ATP8A2: variants seen among roughly 807,000 people sequenced by gnomAD.
The protein encoded by ATP8A2 is phospholipid-transporting ATPase IB.
In ATP8A2, 100 loss-of-function variants were observed where a neutral mutation model predicts 165.6. That is an observed-to-expected ratio of 0.60 (90% confidence interval 0.51 to 0.71). ATP8A2 has a LOEUF of 0.71. ATP8A2 is among the 30% of genes least tolerant of loss of function. ATP8A2 has a pLI of 0.00. For missense variants in ATP8A2, 1,227 were observed against 1,479.5 expected (o/e 0.83, Z 2.80); for synonymous variants, 543 against 548.8 (o/e 0.99, Z 0.15).
intron 33 of ATP8A2, chr13:25,867,832 A>T (rs1952556044): frequency 5.5e-6 from 1 of 182,696 alleles, no homozygotes; most frequent in African/African-American, 2.4e-5. Flanking sequence ...GGTCAGCCAC[A>T]GGAGGAAAAC....
chr13:26,019,946 T>C lies in ATP8A2; in HGVS notation c.3528T>C (p.Arg1176=). 6.2e-7 allele frequency: 1 copy of C among 1,614,086 alleles called. No individual in the cohort carries two copies. Among genetic ancestry groups the C allele is most frequent in the African/African-American group, 1.3e-5 (1 of 75,060 alleles). Residue 1176 remains arginine, a synonymous_variant, in exon 37 of 37, where the codon CGT becomes CGC. Coordinates refer to ENST00000381655, the MANE Select transcript of ATP8A2 (RefSeq NM_016529.6). ...CTGTTAGTCAGGAAGAAGTCATCCGTGCTTATGACACCACCAAAAAGAAAT... is the reference window on the plus strand; with the variant it reads ...CTGTTAGTCAGGAAGAAGTCATCCGCGCTTATGACACCACCAAAAAGAAAT... ...HGAVSQEEVI[R]AYDTTKKKSR...
intron 27 of ATP8A2, among the ~76,000 whole-genome samples, chr13:25,803,688 G>C (rs1593371593): frequency 2.0e-5 from 3 of 152,162 alleles, no homozygotes; most frequent in Non-Finnish European, 1.5e-5. Context: ...TGACTCAGAT[G>C]TTACCATTAC....
chr13:25,725,125 G>C (rs539747445), intron 25 of ATP8A2, among the ~76,000 whole-genome samples: 25 of 152,322 alleles, frequency 1.6e-4, no homozygotes, highest in Admixed American at 1.6e-3. Context: ...TGTCATCTCT[G>C]AAGGCCATTG....
chr13:25,415,623 T>C (rs189276745), intron 1 of ATP8A2, among the ~76,000 whole-genome samples: 4 of 152,306 alleles, frequency 2.6e-5, no homozygotes, highest in Non-Finnish European at 4.4e-5. Flanking sequence ...ACTGACATCC[T>C]GAGTCTCTTC....
chr13:25,849,628 G>A (rs1593445403), intron 30 of ATP8A2, among the ~76,000 whole-genome samples: 1 of 152,270 alleles, frequency 6.6e-6, no homozygotes, highest in Middle Eastern at 3.4e-3. Context: ...TAATGTTGGA[G>A]AGCTCATGTG....
chr13:25,814,926 G>A (rs769492745), intron 27 of ATP8A2, among the ~76,000 whole-genome samples: 1 of 152,036 alleles, frequency 6.6e-6, no homozygotes, highest in Admixed American at 6.6e-5. Context: ...GGGATGAGGC[G>A]GGTGCTGAGG....
intron 33 of ATP8A2, among the ~76,000 whole-genome samples, chr13:25,942,453 G>A (rs980946469): frequency 1.2e-4 from 18 of 151,794 alleles, no homozygotes; most frequent in Admixed American, 9.8e-4. Context: ...ATGAAGTCTC[G>A]CTCTTGTACC....
intron 27 of ATP8A2, among the ~76,000 whole-genome samples, chr13:25,815,380 G>C (rs897353391): frequency 6.6e-6 from 1 of 152,170 alleles, no homozygotes; most frequent in African/African-American, 2.4e-5. Flanking sequence ...ATGGGCGAAA[G>C]ACTTGAGTAG....
At chr13:26,016,563 A>G (rs1956979809) in intron 36 of ATP8A2, among the ~76,000 whole-genome samples, 1 of 152,202 alleles carries the variant, frequency 6.6e-6, no homozygotes, top group South Asian at 2.1e-4. Context: ...TGCACCTTCC[A>G]TTTGAACAGG....
chr13:25,821,504 C>T (rs770640516), intron 27 of ATP8A2, among the ~76,000 whole-genome samples: 1 of 152,128 alleles, frequency 6.6e-6, no homozygotes, highest in Non-Finnish European at 1.5e-5. Context: ...ATCTGTTATT[C>T]CTTTTTATTT....
rs897040197 is a variant in ATP8A2, at chr13:25,958,613, C to T, written c.3184-2962C>T. Among the ~76,000 whole-genome samples the T allele has an allele frequency of 3.3e-5, 5 of 152,188 alleles. No individual in the cohort carries two copies. In the South Asian group the frequency reaches 1.0e-3, roughly 32 times the overall value. On this transcript the variant is annotated intron_variant, in intron 33 of 36. Transcript: ENST00000381655. ...TAATTTACTGCAGTGAGTTCCTAGG[C>T]ATATGGCATGTAAATGGTCAGTAGA...
chr13:25,937,871 A>AAAAAAAG (rs1954957094), intron 33 of ATP8A2, among the ~76,000 whole-genome samples: 2 of 123,760 alleles, frequency 1.6e-5, no homozygotes, highest in African/African-American at 5.6e-5. Context: ...AAAAAAAAAA[A>AAAAAAAG]GACCAAAGAC....
At chr13:25,748,775 G>GT (rs1400724438) in intron 25 of ATP8A2, among the ~76,000 whole-genome samples, 17 of 152,192 alleles carry the variant, frequency 1.1e-4, no homozygotes, top group African/African-American at 3.9e-4. Flanking sequence ...GCCATTACTT[G>GT]TGACCCGCTT....
At chr13:25,567,798 G>T (rs2039358389) in intron 16 of ATP8A2, among the ~76,000 whole-genome samples, 1 of 152,132 alleles carries the variant, frequency 6.6e-6, no homozygotes, top group Non-Finnish European at 1.5e-5. Context: ...CAATAATGAA[G>T]ACCATAGAAT....
At chr13:25,671,793 C>G (rs2042269539) in intron 24 of ATP8A2, among the ~76,000 whole-genome samples, 1 of 152,200 alleles carries the variant, frequency 6.6e-6, no homozygotes, top group African/African-American at 2.4e-5. Flanking sequence ...TCTCGCCCTG[C>G]CTCCACTTGC....
chr13:25,464,574 G>T (rs1008144604), intron 1 of ATP8A2, among the ~76,000 whole-genome samples: 5 of 152,062 alleles, frequency 3.3e-5, no homozygotes, highest in African/African-American at 9.7e-5. Context: ...GTCCCTACCA[G>T]TTCCCATGTC....
At chr13:25,751,024 C>CT (rs545610838) in intron 25 of ATP8A2, among the ~76,000 whole-genome samples, 206 of 152,268 alleles carry the variant, frequency 1.4e-3, no homozygotes, top group African/African-American at 4.7e-3. Flanking sequence ...GCTAGTACTG[C>CT]GTCTTTGGTG....
At chr13:25,553,543 T>G (rs561350660) in intron 11 of ATP8A2, among the ~76,000 whole-genome samples, 1 of 152,368 alleles carries the variant, frequency 6.6e-6, no homozygotes, top group South Asian at 2.1e-4. Context: ...TGGCCTTCAG[T>G]GACCATGCCT....
chr13:26,004,224 T>G (rs1018892954), intron 35 of ATP8A2, among the ~76,000 whole-genome samples: 7 of 152,118 alleles, frequency 4.6e-5, no homozygotes, highest in African/African-American at 1.7e-4. Flanking sequence ...TATATAGTCT[T>G]TTACCCCTTG....
Sources: gnomAD v4.1 joint callset for allele counts (sites outside exome capture counted in the v4.1 genomes callset) on GRCh38, gnomAD v4.1.1 for gene constraint, MANE v1.5 for transcripts, NCBI Gene and HGNC (gene_info 2026-07-23, HGNC 2026-07-21) for gene names.